The following DNAJC17 variants were observed in gnomAD, a reference collection of about 807,000 sequenced individuals.
DNAJC17 encodes the protein DnaJ heat shock protein family (Hsp40) member C17, also known as dnaJ homolog subfamily C member 17.
Under a neutral mutation model 48.1 loss-of-function variants are expected in DNAJC17, and 35 were observed. The observed-to-expected ratio is 0.73, with a 90% CI of 0.56 to 0.96. The LOEUF (loss-of-function observed/expected upper bound fraction) is 0.96, where lower values mean the gene tolerates loss of function less well. DNAJC17 is among the 50% of genes least tolerant of loss of function. The pLI is 0.00. For synonymous variants in DNAJC17, 117 were observed against 142.7 expected, an observed-to-expected ratio of 0.82 and a Z score of 1.28; for missense variants, 355 against 377.1, an observed-to-expected ratio of 0.94 and a Z score of 0.48.
chr15:40,766,096 C>A lies in DNAJC17; in HGVS notation c.*1844G>T. On this transcript the variant is annotated 3_prime_UTR_variant, in exon 11 of 11. Coordinates refer to ENST00000220496, the MANE Select transcript of DNAJC17 (RefSeq NM_018163.3). ...CCATCTGTAGCCTCTCCAACATCCC[C>A]CCTCTCCCCCACGAGGCTTGCTCTG... 2.3e-6 allele frequency: 1 copy of A among 433,214 alleles called. No individual in the cohort carries two copies. Among genetic ancestry groups the A allele is most frequent in the East Asian group, 3.6e-5 (1 of 28,136 alleles). 26.8% of individuals were successfully genotyped at this position (433,214 alleles called of 1,614,324 possible).
In DNAJC17 at chr15:40,779,592, G is replaced by A; in HGVS notation, c.160C>T (p.His54Tyr). The A allele has an allele frequency of 2.5e-6, 4 of 1,614,056 alleles. No individual in the cohort carries two copies. The highest frequency in any genetic ancestry group is 3.4e-6 in the Non-Finnish European group (4 of 1,180,028). ...PDNPRAAELF[H>Y]QLSQALEVLT... ...ACCTCCAAGGCCTGAGAAAGCTGGT[G>A]GAAGAGTTCAGCTAAACATAAGGAT... is the stretch of plus-strand genomic sequence containing the variant. The change falls in exon 3 of 11, where the codon CAC becomes TAC. Residue 54 changes from histidine to tyrosine, a missense_variant. His to Tyr is a moderately conservative substitution (Grantham distance 83). Around this residue, in one of 3 missense-constraint regions of DNAJC17, gnomAD observed 199 missense variants for 199.9 expected, o/e 1.00. Coordinates refer to ENST00000220496, the MANE Select transcript of DNAJC17 (RefSeq NM_018163.3).
chr15:40,767,793 A>G lies in DNAJC17; in HGVS notation c.*147T>C. 8.3e-7 allele frequency: 1 copy of G among 1,199,872 alleles called. No individual in the cohort carries two copies. Among genetic ancestry groups the G allele is most frequent in the Non-Finnish European group, 1.1e-6 (1 of 885,020 alleles). The allele number at this position is 1,199,872 out of a possible 1,614,324, so 74.3% of individuals were successfully genotyped here. On this transcript the variant is annotated 3_prime_UTR_variant, in exon 11 of 11. Transcript: ENST00000220496. ...CCTGGGGGTCTGCCCACTTCCTGGGAGGGGCGCCAGGCCTGGGTGGAGCGC... is the reference window on the plus strand; with the variant it reads ...CCTGGGGGTCTGCCCACTTCCTGGGGGGGGCGCCAGGCCTGGGTGGAGCGC...
intron 1 of DNAJC17, among the ~76,000 whole-genome samples, chr15:40,791,784 G>T (rs768495627): frequency 6.6e-6 from 1 of 152,164 alleles, no homozygotes; most frequent in Non-Finnish European, 1.5e-5. Flanking sequence ...GGCGGAGGTT[G>T]CAGTGAGCCA....
chr15:40,794,163 A>C (rs1227070744), intron 1 of DNAJC17, among the ~76,000 whole-genome samples: 1 of 151,100 alleles, frequency 6.6e-6, no homozygotes, highest in African/African-American at 2.4e-5. Flanking sequence ...CAGCCTGACC[A>C]ATATGGTGAA....
chr15:40,779,918 A>G lies in DNAJC17; in HGVS notation c.148+10T>C. ...GTTTCTTTCTCCCCACGCCCTGAGAAGAGTCTCACCTGCTCTGGGATTATC... is the reference window on the plus strand; with the variant it reads ...GTTTCTTTCTCCCCACGCCCTGAGAGGAGTCTCACCTGCTCTGGGATTATC... On this transcript the variant is annotated intron_variant, in intron 2 of 10. Transcript: ENST00000220496. 6.2e-7 allele frequency: 1 copy of G among 1,613,578 alleles called. No individual in the cohort carries two copies. The highest frequency in any genetic ancestry group is 8.5e-7 in the Non-Finnish European group (1 of 1,179,848).
chr15:40,767,919 G>A lies in DNAJC17; in HGVS notation c.*21C>T, dbSNP rs1263283959. 1.2e-6 allele frequency: 2 copies of A among 1,610,882 alleles called. No homozygotes were observed. The highest frequency in any genetic ancestry group is 1.7e-6 in the Non-Finnish European group (2 of 1,179,158). On this transcript the variant is annotated 3_prime_UTR_variant, in exon 11 of 11. Transcript: ENST00000220496. ...GTGACGTTGAAGAAAAGGGCTGAGG[G>A]GTGGATGGCTGGAGCTGGGGCTACG...
Position 40,776,236 on chromosome 15 carries a change from G to A in DNAJC17, c.438C>T (p.Ile146=). 1 of 1,614,130 alleles carries A rather than the reference G, an allele frequency of 6.2e-7. No individual in the cohort carries two copies. Among genetic ancestry groups the A allele is most frequent in the Non-Finnish European group, 8.5e-7 (1 of 1,180,014 alleles). Residue 146 remains isoleucine, a synonymous_variant, in exon 6 of 11, where the codon ATC becomes ATT. Coordinates refer to ENST00000220496, the MANE Select transcript of DNAJC17 (RefSeq NM_018163.3). ...SRQLEEQQRL[I]REQIRQERDQ... ...CACGCTCCTGGCGTATCTGCTCCCG[G>A]ATGAGCCTCTGCTGTTCCTCCAGCT...
rs368334110 is a variant in DNAJC17 at position 40,780,011 on chromosome 15, A to G, written c.79-14T>C. On this transcript the variant is annotated splice_polypyrimidine_tract_variant and intron_variant, in intron 1 of 10. Transcript: ENST00000220496. ...CGCCTTCTTTACCTGGAAGAGTCAG[A>G]CAGAAGACATGGCCATTCACTCTCA... is the stretch of plus-strand genomic sequence containing the variant. 7.3e-5 allele frequency: 117 copies of G among 1,613,272 alleles called. No homozygotes were observed. In the African/African-American group the frequency reaches 1.3e-3, roughly 19 times the overall value.
At position 40,767,978 on chromosome 15, in the gene DNAJC17, G is replaced by C. The variant is rs753233536; in HGVS notation, c.877C>G (p.Arg293Gly). Residue 293 changes from arginine to glycine, a missense_variant, in exon 11 of 11, where the codon CGG (arginine) becomes GGG (glycine). Arg to Gly is a moderately radical substitution (Grantham distance 125, BLOSUM62 -2). Coordinates refer to ENST00000220496, the MANE Select transcript of DNAJC17 (RefSeq NM_018163.3). ...CCCTCCTGGTCTTCCTGCTGCATCC[G>C]TGCGATCAGCTGTTGCCGCTCGGCC... is the stretch of plus-strand genomic sequence containing the variant. The part of the protein sequence containing the change: ...QAAERQQLIA[R>G]MQQEDQEGPP... 2 of 1,611,612 alleles carry C rather than the reference G, an allele frequency of 1.2e-6. No individual in the cohort carries two copies. Among genetic ancestry groups the C allele is most frequent in the Non-Finnish European group, 8.5e-7 (1 of 1,179,318 alleles).
At position 40,779,978 on chromosome 15, in the gene DNAJC17, T is replaced by C; in HGVS notation, c.98A>G (p.Gln33Arg). 1 of 1,614,156 alleles carries C rather than the reference T, an allele frequency of 6.2e-7. No individual in the cohort carries two copies. Among genetic ancestry groups the C allele is most frequent in the African/African-American group, 1.3e-5 (1 of 75,062 alleles). Residue 33 changes from glutamine (Q) to arginine (R), a missense_variant, in exon 2 of 11, where the codon CAG (glutamine) becomes CGG (arginine). Physicochemically the swap from Gln to Arg is conservative, Grantham distance 43. Around this residue, in one of 3 missense-constraint regions of DNAJC17, gnomAD observed 199 missense variants for 199.9 expected, o/e 1.00. Transcript: ENST00000220496. ...GTCTGGGTGGCAGGAGAGGGCCTTC[T>C]GCCTATACGCCTTCTTTACCTGGAA... ...ADKEVKKAYR[Q>R]KALSCHPDKN... is the part of the protein sequence containing the mutation.
chr15:40,801,096 G>A (rs969166421), intron 1 of DNAJC17, among the ~76,000 whole-genome samples: 7 of 152,110 alleles, frequency 4.6e-5, no homozygotes, highest in African/African-American at 9.7e-5. Context: ...AAGTAAAGTC[G>A]TTGCAGTGGT....
chr15:40,789,582 G>A lies in DNAJC17; in HGVS notation c.79-9585C>T, dbSNP rs762115236. On this transcript the variant is annotated intron_variant, in intron 1 of 10. Coordinates refer to ENST00000220496, the MANE Select transcript of DNAJC17 (RefSeq NM_018163.3). ...TCTCATGCCCAGATCTGCCAGAAAC[G>A]TCTCCCCACTGCCTGCTGTCACTCT... Among the ~76,000 whole-genome samples the A allele has an allele frequency of 5.3e-5, 8 of 151,846 alleles. 2 individuals carry two copies. Among genetic ancestry groups the A allele is most frequent in the Non-Finnish European group, 1.5e-5 (1 of 67,938 alleles).
At chr15:40,778,327 C>T (rs1329942587) in intron 4 of DNAJC17, among the ~76,000 whole-genome samples, 1 of 152,112 alleles carries the variant, frequency 6.6e-6, no homozygotes, top group Admixed American at 6.5e-5. Flanking sequence ...GATCTCAGCT[C>T]ACTGCAACCT....
At chr15:40,779,477 C>T in intron 3 of DNAJC17, 68 bp downstream of exon 3, 1 of 1,602,494 alleles carries the variant, frequency 6.2e-7, no homozygotes, top group Non-Finnish European at 8.5e-7. Context: ...GGGCAGAGGA[C>T]CGAGGTTGAG....
intron 1 of DNAJC17, among the ~76,000 whole-genome samples, chr15:40,782,566 G>A (rs1889532550): frequency 6.6e-6 from 1 of 152,020 alleles, no homozygotes; most frequent in South Asian, 2.1e-4. Flanking sequence ...CTGCCTCCAA[G>A]GCCTTTGCTT....
At position 40,779,537 on chromosome 15, in the gene DNAJC17, G is replaced by A. The variant is rs1566823943; in HGVS notation, c.207+8C>T. On this transcript the variant is annotated splice_region_variant and intron_variant, in intron 3 of 10. Transcript: ENST00000220496. ...GGGGACGATTCCGATGAAGGAGGCT[G>A]TGCTTACCCTGGCTGCAGCATCGGT... 1 of 1,614,124 alleles carries A rather than the reference G, an allele frequency of 6.2e-7. No homozygotes were observed. Among genetic ancestry groups the A allele is most frequent in the Non-Finnish European group, 8.5e-7 (1 of 1,180,022 alleles).
chr15:40,806,154 C>T (rs921661504), intron 1 of DNAJC17, among the ~76,000 whole-genome samples: 4 of 151,898 alleles, frequency 2.6e-5, no homozygotes, highest in African/African-American at 7.2e-5. Context: ...TTCTCAAAAG[C>T]TCACTCACCC....
chr15:40,804,162 C>A (rs7177590), intron 1 of DNAJC17, among the ~76,000 whole-genome samples: 21,613 of 151,534 alleles, frequency 0.14, 4,427 homozygotes, highest in African/African-American at 0.46. Flanking sequence ...GAGAGACAGG[C>A]TCTCACTACG....
intron 4 of DNAJC17, among the ~76,000 whole-genome samples, chr15:40,778,121 G>A (rs1889380920): frequency 6.6e-6 from 1 of 151,746 alleles, no homozygotes; most frequent in Non-Finnish European, 1.5e-5. Context: ...GAGCCCAGGA[G>A]TTTGAGGCTG....
Sources: allele counts gnomAD v4.1 joint callset (sites outside exome capture counted in the v4.1 genomes callset), GRCh38; gene constraint gnomAD v4.1.1; regional missense constraint gnomAD v4.1.1; transcripts MANE v1.5; gene names NCBI Gene and HGNC (gene_info 2026-07-23, HGNC 2026-07-21).